GRID2: variants seen among roughly 807,000 people sequenced by gnomAD.
GRID2 encodes the protein glutamate ionotropic receptor delta type subunit 2, also known as glutamate receptor ionotropic, delta-2.
Under a neutral mutation model 114.8 loss-of-function variants are expected in GRID2, and 33 were observed. The ratio of observed to expected loss-of-function variants is 0.29; its 90% CI spans 0.22 to 0.38. The LOEUF (loss-of-function observed/expected upper bound fraction) is 0.38, where lower values mean the gene tolerates loss of function less well. Among genes scored for constraint, GRID2 ranks in the 10% least tolerant of loss-of-function variants. GRID2 has a pLI of 1.00. For synonymous variants in GRID2, 505 were observed against 449.9 expected, an observed-to-expected ratio of 1.12 and a Z score of -1.55; for missense variants, 1,184 against 1,257.7, an observed-to-expected ratio of 0.94 and a Z score of 0.89.
chr4:92,761,494 AG>A (rs1230289623), intron 2 of GRID2, among the ~76,000 whole-genome samples: 1 of 152,212 alleles, frequency 6.6e-6, no homozygotes, highest in Non-Finnish European at 1.5e-5. Flanking sequence ...TATGTGGTTT[AG>A]CCCATGGCCT....
intron 2 of GRID2, among the ~76,000 whole-genome samples, chr4:92,942,776 A>G (rs1434763112): frequency 6.6e-6 from 1 of 151,906 alleles, no homozygotes; most frequent in Non-Finnish European, 1.5e-5. Context: ...TGTTGACAAA[A>G]TCTCTCAGCA....
chr4:93,085,418 T>C, intron 3 of GRID2, 139 bp downstream of exon 3: 1 of 683,920 alleles, frequency 1.5e-6, no homozygotes, highest in Non-Finnish European at 2.5e-6. Flanking sequence ...CTTATAAACA[T>C]AGCAACAACT....
At chr4:92,356,469 C>T (rs946958794) in intron 1 of GRID2, among the ~76,000 whole-genome samples, 1 of 151,126 alleles carries the variant, frequency 6.6e-6, no homozygotes, top group Admixed American at 6.6e-5. Context: ...CATACATGCC[C>T]ACTGATTTAT....
intron 13 of GRID2, among the ~76,000 whole-genome samples, chr4:93,596,959 G>A (rs1056503953): frequency 6.6e-6 from 1 of 152,154 alleles, no homozygotes; most frequent in Non-Finnish European, 1.5e-5. Context: ...GCATTTTGAT[G>A]CAATGTTCAA....
intron 11 of GRID2, among the ~76,000 whole-genome samples, chr4:93,467,859 A>C (rs1724440215): frequency 6.6e-6 from 1 of 152,212 alleles, no homozygotes; most frequent in Admixed American, 6.5e-5. Flanking sequence ...TTTACATTGG[A>C]AACAAACTTC....
intron 2 of GRID2, among the ~76,000 whole-genome samples, chr4:92,946,610 A>G (rs752398045): frequency 1.3e-5 from 2 of 152,080 alleles, no homozygotes; most frequent in Non-Finnish European, 2.9e-5. Flanking sequence ...TTACTCAGCA[A>G]TATTGGCTTT....
chr4:93,517,860 T>C (rs1431414655), intron 13 of GRID2, among the ~76,000 whole-genome samples: 1 of 150,832 alleles, frequency 6.6e-6, no homozygotes, highest in East Asian at 2.0e-4. Flanking sequence ...AGGCCACACT[T>C]CTTCTATAAT....
chr4:93,528,611 G>A (rs74678479), intron 13 of GRID2, among the ~76,000 whole-genome samples: 5,196 of 152,078 alleles, frequency 0.034, 282 homozygotes, highest in African/African-American at 0.12. Flanking sequence ...GATTGTGCTT[G>A]CTTATCATAT....
intron 2 of GRID2, among the ~76,000 whole-genome samples, chr4:92,623,024 T>C (rs1330123675): frequency 6.6e-6 from 1 of 151,686 alleles, no homozygotes. Context: ...TTGGGAATCT[T>C]TTGAAGATGA....
chr4:93,035,100 G>A (rs1402283229), intron 2 of GRID2, among the ~76,000 whole-genome samples: 3 of 138,666 alleles, frequency 2.2e-5, no homozygotes, highest in Admixed American at 1.7e-4. Context: ...CCCTATCACT[G>A]TCTGCTTTTT....
At chr4:93,310,120 T>A (rs915098554) in intron 8 of GRID2, among the ~76,000 whole-genome samples, 1 of 152,160 alleles carries the variant, frequency 6.6e-6, no homozygotes, top group African/African-American at 2.4e-5. Context: ...CCACAGATAT[T>A]TACTAGACAT....
chr4:93,039,054 A>G (rs1423730409), intron 2 of GRID2, among the ~76,000 whole-genome samples: 1 of 152,202 alleles, frequency 6.6e-6, no homozygotes, highest in African/African-American at 2.4e-5. Flanking sequence ...AATAGCAAAA[A>G]CTTGGAACCA....
intron 2 of GRID2, among the ~76,000 whole-genome samples, chr4:92,603,973 C>T (rs983799595): frequency 6.6e-6 from 1 of 150,588 alleles, no homozygotes; most frequent in African/African-American, 2.4e-5. Flanking sequence ...AAATGCAAAT[C>T]AAAACAACAA....
intron 1 of GRID2, among the ~76,000 whole-genome samples, chr4:93,785,572 T>C (rs1463140675): frequency 6.6e-6 from 1 of 152,118 alleles, no homozygotes; most frequent in African/African-American, 2.4e-5. Context: ...TTTAAGAAGG[T>C]ATGGAGCAGG....
At chr4:92,654,233 T>G (rs1459345500) in intron 2 of GRID2, among the ~76,000 whole-genome samples, 2 of 152,008 alleles carry the variant, frequency 1.3e-5, no homozygotes, top group Non-Finnish European at 2.9e-5. Context: ...CTGACTCTCC[T>G]ATCCTCACAT....
intron 4 of GRID2, among the ~76,000 whole-genome samples, chr4:93,178,145 A>G (rs955700338): frequency 6.6e-6 from 1 of 150,946 alleles, no homozygotes; most frequent in Non-Finnish European, 1.5e-5. Flanking sequence ...GGCTTCTATT[A>G]TAGATTCTCC....
intron 7 of GRID2, among the ~76,000 whole-genome samples, chr4:93,233,172 T>C (rs1448896149): frequency 6.6e-6 from 1 of 151,912 alleles, no homozygotes; most frequent in Admixed American, 6.6e-5. Flanking sequence ...GCTTAACACA[T>C]TGAAGCACCT....
chr4:93,042,247 A>ATC (rs1166899378), intron 2 of GRID2, among the ~76,000 whole-genome samples: 7,182 of 120,324 alleles, frequency 0.06, 203 homozygotes, highest in African/African-American at 0.1. Context: ...TATATTTTAA[A>ATC]TCTCTCTCTC....
chr4:92,701,751 A>C (rs936684040), intron 2 of GRID2, among the ~76,000 whole-genome samples: 13 of 152,056 alleles, frequency 8.5e-5, no homozygotes, highest in African/African-American at 3.1e-4. Flanking sequence ...CAAAAATTAG[A>C]CTTTTGGCAT....
Sources: allele counts gnomAD v4.1 joint callset (sites outside exome capture counted in the v4.1 genomes callset), GRCh38; gene constraint gnomAD v4.1.1; transcripts MANE v1.5; gene names NCBI Gene and HGNC (gene_info 2026-07-23, HGNC 2026-07-21).